The following CDYL variants were observed in gnomAD, a reference collection of about 807,000 sequenced individuals.
The protein encoded by CDYL is chromodomain Y-like protein.
A neutral mutation model predicts 47.3 loss-of-function variants in CDYL; 8 were observed. The observed-to-expected ratio is 0.17, with a 90% CI of 0.10 to 0.31. CDYL has a LOEUF of 0.31. Among genes scored for constraint, CDYL ranks in the 10% least tolerant of loss-of-function variants. CDYL has a pLI of 1.00. For synonymous variants in CDYL, 266 were observed against 265.0 expected, an observed-to-expected ratio of 1.00 and a Z score of -0.04; for missense variants, 471 against 701.4, an observed-to-expected ratio of 0.67 and a Z score of 3.71.
chr6:4,808,772 T>G (rs932404344), intron 1 of CDYL, among the ~76,000 whole-genome samples: 4 of 152,258 alleles, frequency 2.6e-5, no homozygotes, highest in Non-Finnish European at 1.5e-5. Flanking sequence ...GTCTTTAGCT[T>G]TATGGTGTCC....
chr6:4,708,912 AG>A (rs1420430348), intron 1 of CDYL, among the ~76,000 whole-genome samples: 2 of 152,142 alleles, frequency 1.3e-5, no homozygotes, highest in African/African-American at 4.8e-5. Context: ...AGGCTGAGAC[AG>A]GAAGAATCGC....
chr6:4,834,621 G>A (rs1326344175), intron 1 of CDYL, among the ~76,000 whole-genome samples: 6 of 151,588 alleles, frequency 4.0e-5, no homozygotes, highest in Non-Finnish European at 7.4e-5. Flanking sequence ...ATGTTGGCCT[G>A]CCTTGCTAGA....
At chr6:4,925,216 G>T (rs571645682) in intron 2 of CDYL, among the ~76,000 whole-genome samples, 1 of 152,114 alleles carries the variant, frequency 6.6e-6, no homozygotes, top group South Asian at 2.1e-4. Flanking sequence ...GACATTCGCA[G>T]TATACTCAGA....
intron 1 of CDYL, among the ~76,000 whole-genome samples, chr6:4,864,284 A>G (rs1761257984): frequency 6.6e-6 from 1 of 152,250 alleles, no homozygotes; most frequent in African/African-American, 2.4e-5. Context: ...TCAGAAAGGC[A>G]TAAGATGATT....
At chr6:4,827,168 C>G (rs116222643) in intron 1 of CDYL, among the ~76,000 whole-genome samples, 14 of 152,242 alleles carry the variant, frequency 9.2e-5, no homozygotes, top group African/African-American at 3.1e-4. Context: ...TTACTACTTT[C>G]CCTTTCAACC....
chr6:4,804,121 C>A (rs979896413), intron 1 of CDYL, among the ~76,000 whole-genome samples: 1 of 152,016 alleles, frequency 6.6e-6, no homozygotes, highest in African/African-American at 2.4e-5. Flanking sequence ...TATTTACAGA[C>A]TAACCAGTGT....
intron 2 of CDYL, among the ~76,000 whole-genome samples, chr6:4,726,037 A>C (rs1445947766): frequency 6.6e-6 from 1 of 152,110 alleles, no homozygotes; most frequent in Non-Finnish European, 1.5e-5. Context: ...CATCACAGGA[A>C]ATCATCACGA....
chr6:4,847,140 C>G (rs533213058), intron 1 of CDYL, among the ~76,000 whole-genome samples: 1 of 152,194 alleles, frequency 6.6e-6, no homozygotes, highest in Non-Finnish European at 1.5e-5. Context: ...CTAACTATTG[C>G]GTGCACCAAA....
intron 1 of CDYL, among the ~76,000 whole-genome samples, chr6:4,890,422 C>T (rs1244714029): frequency 1.3e-5 from 2 of 151,950 alleles, no homozygotes; most frequent in African/African-American, 4.8e-5. Context: ...ATCTGTCAGA[C>T]GTGAAATCGG....
intron 2 of CDYL, chr6:4,724,626 G>C (rs1422134281): frequency 6.6e-6 from 1 of 152,312 alleles, no homozygotes; most frequent in Admixed American, 6.6e-5. Context: ...ATGGGTTCGT[G>C]GTCTTGCTGG....
chr6:4,853,236 G>A (rs1234736527), intron 1 of CDYL, among the ~76,000 whole-genome samples: 1 of 152,168 alleles, frequency 6.6e-6, no homozygotes, highest in Non-Finnish European at 1.5e-5. Flanking sequence ...ACATTTGTCA[G>A]GTACTGGTTT....
In CDYL at chr6:4,849,365, G is replaced by T. The variant is rs997616581; in HGVS notation, c.25-42348G>T. On this transcript the variant is annotated intron_variant, in intron 1 of 6. Transcript: ENST00000397588. Reference sequence around the variant, plus strand: ...GACTTTTGGCAAAATGAGTCTTTATGAAAACATACCTTAATGATTATCTGA... The same window carrying T: ...GACTTTTGGCAAAATGAGTCTTTATTAAAACATACCTTAATGATTATCTGA... 2.6e-5 allele frequency among the ~76,000 whole-genome samples: 4 copies of T among 152,164 alleles called. No homozygotes were observed. In the East Asian group the frequency reaches 7.7e-4, roughly 29 times the overall value.
At chr6:4,803,910 G>A (rs1352907712) in intron 1 of CDYL, among the ~76,000 whole-genome samples, 1 of 151,060 alleles carries the variant, frequency 6.6e-6, no homozygotes, top group Non-Finnish European at 1.5e-5. Flanking sequence ...CCTTATATTG[G>A]TGGTGTAAAT....
At chr6:4,793,419 T>C (rs546268300) in intron 1 of CDYL, among the ~76,000 whole-genome samples, 22 of 152,188 alleles carry the variant, frequency 1.4e-4, no homozygotes, top group African/African-American at 4.1e-4. Context: ...CATTTGGGAC[T>C]GGGGTTGGAG....
chr6:4,721,533 G>A (rs1272285264), intron 2 of CDYL, among the ~76,000 whole-genome samples: 1 of 152,094 alleles, frequency 6.6e-6, no homozygotes, highest in African/African-American at 2.4e-5. Context: ...ACAGGTGTGT[G>A]CCACCACGCT....
chr6:4,914,378 A>G (rs1757497504), intron 2 of CDYL, among the ~76,000 whole-genome samples: 1 of 151,972 alleles, frequency 6.6e-6, no homozygotes, highest in African/African-American at 2.4e-5. Context: ...CTTCACCTCC[A>G]CACTTTCTCA....
intron 2 of CDYL, among the ~76,000 whole-genome samples, chr6:4,724,215 AT>A (rs35194498): frequency 0.13 from 19,581 of 146,208 alleles, 1,523 homozygotes; most frequent in African/African-American, 0.24. Context: ...TAATTTTTGT[AT>A]TTTTTTTTTT....
At chr6:4,860,851 G>A (rs1002317093) in intron 1 of CDYL, among the ~76,000 whole-genome samples, 1 of 151,878 alleles carries the variant, frequency 6.6e-6, no homozygotes, top group South Asian at 2.1e-4. Flanking sequence ...TCCTTTTCAC[G>A]TTTTTCTGCC....
intron 3 of CDYL, among the ~76,000 whole-genome samples, chr6:4,753,391 T>C (rs541803692): frequency 3.3e-5 from 5 of 152,332 alleles, no homozygotes; most frequent in African/African-American, 1.2e-4. Flanking sequence ...GCAGAATACC[T>C]GTACTCTGGA....
Sources: allele counts gnomAD v4.1 joint callset (sites outside exome capture counted in the v4.1 genomes callset), GRCh38; gene constraint gnomAD v4.1.1; transcripts MANE v1.5; gene names NCBI Gene and HGNC (gene_info 2026-07-23, HGNC 2026-07-21).